Variants in NCKAP5 observed in about 807,000 individuals in gnomAD.
The protein encoded by NCKAP5 is NCK associated protein 5.
Under a neutral mutation model 167.0 loss-of-function variants are expected in NCKAP5, and 92 were observed. The observed-to-expected ratio is 0.55, with a 90% CI of 0.47 to 0.66. NCKAP5 has a LOEUF of 0.66. Among genes scored for constraint, NCKAP5 ranks in the 30% least tolerant of loss-of-function variants. NCKAP5 has a pLI of 0.00. For missense variants in NCKAP5, 2,378 were observed against 2,315.0 expected, an observed-to-expected ratio of 1.03 and a Z score of -0.56; for synonymous variants, 891 against 877.4, an observed-to-expected ratio of 1.02 and a Z score of -0.27.
intron 8 of NCKAP5, among the ~76,000 whole-genome samples, chr2:132,920,501 A>G (rs984220821): frequency 1.3e-5 from 2 of 151,180 alleles, no homozygotes; most frequent in African/African-American, 2.4e-5. Context: ...AAAGTGGGAG[A>G]CAAAGGGAAA....
intron 11 of NCKAP5, among the ~76,000 whole-genome samples, chr2:132,848,825 C>A (rs192919348): frequency 6.6e-6 from 1 of 152,102 alleles, no homozygotes; most frequent in East Asian, 1.9e-4. Flanking sequence ...CATAGTGAGA[C>A]CTTGTCTCCA....
intron 6 of NCKAP5, among the ~76,000 whole-genome samples, chr2:133,045,329 T>C (rs2079358363): frequency 6.6e-6 from 1 of 151,982 alleles, no homozygotes; most frequent in African/African-American, 2.4e-5. Context: ...AACAATACTA[T>C]GTATAGACTT....
chr2:133,335,109 T>C (rs181470865), intron 3 of NCKAP5, among the ~76,000 whole-genome samples: 80 of 152,282 alleles, frequency 5.3e-4, no homozygotes, highest in Non-Finnish European at 1.0e-3. Context: ...TCATTCCCAT[T>C]GTTTAAGTGC....
chr2:133,280,983 A>G (rs1308936094), intron 4 of NCKAP5, among the ~76,000 whole-genome samples: 1 of 152,214 alleles, frequency 6.6e-6, no homozygotes, highest in Non-Finnish European at 1.5e-5. Context: ...TCAAAAAACT[A>G]TTAATGATTA....
intron 3 of NCKAP5, among the ~76,000 whole-genome samples, chr2:133,506,647 G>A (rs1474424051): frequency 1.3e-5 from 2 of 152,112 alleles, no homozygotes; most frequent in Non-Finnish European, 2.9e-5. Flanking sequence ...TAGCCACATG[G>A]TTCTATAGCC....
chr2:133,000,399 C>T (rs775685977), intron 6 of NCKAP5, among the ~76,000 whole-genome samples: 2 of 152,106 alleles, frequency 1.3e-5, no homozygotes, highest in Non-Finnish European at 2.9e-5. Flanking sequence ...ACAACACAGC[C>T]CCATGTAGAG....
the NCKAP5 span, among the ~76,000 whole-genome samples, chr2:133,658,028 A>G: frequency 0.1 from 15,876 of 152,116 alleles, 939 homozygotes; most frequent in African/African-American, 0.13. Context: ...ATAGGAAGGT[A>G]TGGGCAAGGC....
At chr2:133,007,621 T>A (rs539616068) in intron 6 of NCKAP5, among the ~76,000 whole-genome samples, 1 of 152,132 alleles carries the variant, frequency 6.6e-6, no homozygotes, top group Non-Finnish European at 1.5e-5. Context: ...AGCAGCAGGG[T>A]AGTCACTTTT....
chr2:133,327,782 C>T (rs1027570849), intron 3 of NCKAP5, among the ~76,000 whole-genome samples: 2 of 152,010 alleles, frequency 1.3e-5, no homozygotes, highest in Non-Finnish European at 2.9e-5. Context: ...GACATTAATA[C>T]CTGCAGGGCT....
At chr2:132,694,102 G>GTTTT (rs893173975) in intron 19 of NCKAP5, among the ~76,000 whole-genome samples, 18 of 98,802 alleles carry the variant, frequency 1.8e-4, no homozygotes, top group East Asian at 3.4e-4. Flanking sequence ...AGTTTTAAGT[G>GTTTT]TTTTATTTAT....
At chr2:133,446,871 C>A (rs2151183830) in intron 3 of NCKAP5, among the ~76,000 whole-genome samples, 1 of 152,128 alleles carries the variant, frequency 6.6e-6, no homozygotes, top group South Asian at 2.1e-4. Flanking sequence ...GAAGACAGAG[C>A]ACAGCTTGAA....
At chr2:133,345,810 A>C in intron 3 of NCKAP5, among the ~76,000 whole-genome samples, 1 of 152,022 alleles carries the variant, frequency 6.6e-6, no homozygotes, top group East Asian at 1.9e-4. Context: ...ACTGGGGATA[A>C]AGGAAGTGCA....
intron 3 of NCKAP5, among the ~76,000 whole-genome samples, chr2:133,433,074 GA>G (rs1286450038): frequency 1.7e-4 from 26 of 152,238 alleles, no homozygotes; most frequent in East Asian, 1.5e-3. Context: ...GCAAAACACA[GA>G]AAACAGTTTT....
At chr2:132,981,327 A>T (rs1455710096) in intron 7 of NCKAP5, among the ~76,000 whole-genome samples, 2 of 152,282 alleles carry the variant, frequency 1.3e-5, no homozygotes, top group Middle Eastern at 3.4e-3. Flanking sequence ...GCATGCAGCA[A>T]ATAGCCCTGA....
chr2:132,788,655 G>A (rs190857501), intron 13 of NCKAP5, among the ~76,000 whole-genome samples: 357 of 152,248 alleles, frequency 2.3e-3, no homozygotes, highest in Non-Finnish European at 3.7e-3. Flanking sequence ...ATTTCTCATC[G>A]ACTAGAGCCA....
chr2:132,758,070 C>T (rs1241628852), intron 16 of NCKAP5, among the ~76,000 whole-genome samples: 1 of 152,218 alleles, frequency 6.6e-6, no homozygotes, highest in East Asian at 1.9e-4. Flanking sequence ...AAATTTCTCC[C>T]CTCAGTATAC....
At chr2:133,576,833 T>C in the NCKAP5 span, among the ~76,000 whole-genome samples, 2 of 152,190 alleles carry the variant, frequency 1.3e-5, no homozygotes, top group Non-Finnish European at 2.9e-5. Flanking sequence ...GAAATGTAAT[T>C]GTTGACAGAG....
In NCKAP5 at chr2:132,782,729, T is replaced by C; in HGVS notation, c.4082A>G (p.Gln1361Arg). The C allele has an allele frequency of 6.2e-7, 1 of 1,614,010 alleles. No individual in the cohort carries two copies. Among genetic ancestry groups the C allele is most frequent in the Non-Finnish European group, 8.5e-7 (1 of 1,179,884 alleles). Residue 1361 changes from glutamine (Q) to arginine (R), a missense_variant, in exon 14 of 20, where the codon CAG (glutamine) becomes CGG (arginine). This residue lies in a region of NCKAP5 where 1,325 missense variants were observed against 1,274.5 expected (regional missense o/e 1.04). Transcript: ENST00000409261. ...AGGCAACTTACTTGGGCTCCCATGC[T>C]GACTGCTGAAGCTGCCTGAGCTCCC... ...SLGSSGSFSSQHGSPSKLPLR... is the reference protein window; with the variant it reads ...SLGSSGSFSSRHGSPSKLPLR...
At chr2:133,535,806 A>C (rs1409707718) in intron 2 of NCKAP5, among the ~76,000 whole-genome samples, 1 of 151,926 alleles carries the variant, frequency 6.6e-6, no homozygotes, top group Non-Finnish European at 1.5e-5. Flanking sequence ...GCATCTTTTG[A>C]TTTTAAACTT....
Sources: gnomAD v4.1 joint callset for allele counts (sites outside exome capture counted in the v4.1 genomes callset) on GRCh38, gnomAD v4.1.1 for gene constraint, gnomAD v4.1.1 regional missense constraint, MANE v1.5 for transcripts, NCBI Gene and HGNC (gene_info 2026-07-23, HGNC 2026-07-21) for gene names.